The following PLEKHG4B variants were observed in gnomAD, a reference collection of about 807,000 sequenced individuals.
PLEKHG4B encodes the protein pleckstrin homology and RhoGEF domain containing G4B.
In PLEKHG4B, 111 loss-of-function variants were observed where a neutral mutation model predicts 121.3. The observed-to-expected ratio is 0.92, with a 90% CI of 0.78 to 1.07. PLEKHG4B has a LOEUF of 1.07. Ranked by LOEUF, PLEKHG4B falls within the 50% of genes least tolerant of loss-of-function variation. The probability of loss-of-function intolerance (pLI) is 0.00; values close to 1 mark genes in which losing one functional copy is unlikely to be tolerated. For missense variants in PLEKHG4B, 1,831 were observed against 1,757.8 expected, an observed-to-expected ratio of 1.04 and a Z score of -0.74; for synonymous variants, 738 against 725.0, an observed-to-expected ratio of 1.02 and a Z score of -0.29.
Position 139,884 on chromosome 5 carries a change from A to T in PLEKHG4B, c.645A>T (p.Thr215=). ...GAILQSYSSC[T]GPERLPSSPS... is the part of the protein sequence containing the mutation. ...TCCTGCAGAGCTACTCCAGCTGCACAGGTCCTGAGCGGCTGCCCAGCAGCC... is the reference window on the plus strand; with the variant it reads ...TCCTGCAGAGCTACTCCAGCTGCACTGGTCCTGAGCGGCTGCCCAGCAGCC... Residue 215 remains threonine (T), a synonymous_variant, in exon 3 of 20, where the codon ACA becomes ACT. Transcript: ENST00000637938. This position sits in a 1 kb window ranked among gnomAD's most constrained non-coding sequence, Gnocchi z 5.0. The T allele has an allele frequency of 2.5e-6, 1 of 400,934 alleles. No individual in the cohort carries two copies. The highest frequency in any genetic ancestry group is 4.4e-6 in the Non-Finnish European group (1 of 227,644). 24.8% of individuals were successfully genotyped at this position (400,934 alleles called of 1,614,324 possible). A position where few individuals can be genotyped will look rare whatever the true frequency, so the allele number is the denominator to read the frequency against.
rs75342794 is a variant in PLEKHG4B, at chr5:162,814, G to A, written c.2742G>A (p.Ser914=). 106 of 1,504,930 alleles carry A rather than the reference G, an allele frequency of 7.0e-5. No individual in the cohort carries two copies. Among genetic ancestry groups the A allele is most frequent in the South Asian group, 4.2e-4 (31 of 74,092 alleles). 93.2% of individuals were successfully genotyped at this position (1,504,930 alleles called of 1,614,324 possible). The change falls in exon 13 of 20, where the codon TCG becomes TCA. Residue 914 remains serine, a synonymous_variant. Coordinates refer to ENST00000637938, the MANE Select transcript of PLEKHG4B (RefSeq NM_052909.5). ...GGAGCTGTCACCAGGAGGCTACCTCGGTGGCTGCAGAGGCCTTCCCCGGGG... is the reference window on the plus strand; with the variant it reads ...GGAGCTGTCACCAGGAGGCTACCTCAGTGGCTGCAGAGGCCTTCCCCGGGG... The part of the protein sequence containing the change: ...CLRSCHQEAT[S]VAAEAFPGAG...
At position 147,489 on chromosome 5, in the gene PLEKHG4B, G is replaced by A. The variant is rs147645588; in HGVS notation, c.1905+2569G>A. On this transcript the variant is annotated intron_variant, in intron 6 of 19. Transcript: ENST00000637938. ...GGGCACAAGAGGAATCTGGAAGAGC[G>A]CACACCTGCTGAGCAAACCTAAGGC... Among the ~76,000 whole-genome samples the A allele has an allele frequency of 1.4e-3, 212 of 152,290 alleles. 1 individual carries two copies. Among genetic ancestry groups the A allele is most frequent in the East Asian group, 9.8e-3 (51 of 5,184 alleles).
intron 2 of PLEKHG4B, among the ~76,000 whole-genome samples, chr5:128,800 T>C (rs976356757): frequency 6.6e-6 from 1 of 152,092 alleles, no homozygotes; most frequent in Non-Finnish European, 1.5e-5. Context: ...CCATAAAGGG[T>C]GTAAACCAGA....
intron 2 of PLEKHG4B, among the ~76,000 whole-genome samples, chr5:129,196 T>G (rs1404796209): frequency 6.6e-6 from 1 of 152,232 alleles, no homozygotes; most frequent in East Asian, 1.9e-4. Context: ...GGAGAGGGGT[T>G]TAACCAAGAG....
intron 1 of PLEKHG4B, among the ~76,000 whole-genome samples, chr5:112,687 CT>C (rs781405320): frequency 2.0e-5 from 3 of 152,206 alleles, no homozygotes; most frequent in Non-Finnish European, 4.4e-5. Context: ...ACCATCAGTA[CT>C]GTTTAAATGA....
chr5:185,297 G>A lies in PLEKHG4B; in HGVS notation c.*2974G>A, dbSNP rs1733593264. 1 of 152,262 alleles carries A rather than the reference G, an allele frequency of 6.6e-6. No individual in the cohort carries two copies. Among genetic ancestry groups the A allele is most frequent in the Non-Finnish European group, 1.5e-5 (1 of 68,062 alleles). 9.4% of individuals were successfully genotyped at this position (152,262 alleles called of 1,614,324 possible). ...CTGCTCTCTGAATTGGTGACCACAT[G>A]AGTAACTTCACGGGTCTGTTCTATG... is the stretch of plus-strand genomic sequence containing the variant. On this transcript the variant is annotated 3_prime_UTR_variant, in exon 20 of 20. Coordinates refer to ENST00000637938, the MANE Select transcript of PLEKHG4B (RefSeq NM_052909.5).
chr5:122,888 AT>A (rs1307997272), intron 2 of PLEKHG4B, among the ~76,000 whole-genome samples: 2 of 152,250 alleles, frequency 1.3e-5, no homozygotes, highest in Non-Finnish European at 2.9e-5. Context: ...AAAAGGCTCA[AT>A]TTATCAACAC....
At chr5:175,380 G>T (rs1027967437) in intron 18 of PLEKHG4B, among the ~76,000 whole-genome samples, 2 of 151,922 alleles carry the variant, frequency 1.3e-5, no homozygotes, top group Admixed American at 6.6e-5. Flanking sequence ...TGGCGGCTGC[G>T]AACACCACCT....
At chr5:99,545 A>G (rs967549465) in intron 1 of PLEKHG4B, among the ~76,000 whole-genome samples, 7 of 151,976 alleles carry the variant, frequency 4.6e-5, no homozygotes, top group African/African-American at 1.7e-4. Context: ...CAAAGTATTC[A>G]TTGCTGGTGT....
chr5:145,155 G>A (rs1320322411), intron 6 of PLEKHG4B, among the ~76,000 whole-genome samples: 2 of 152,208 alleles, frequency 1.3e-5, no homozygotes, highest in Non-Finnish European at 2.9e-5. Context: ...CCATCCGCTG[G>A]GGACTTGGGG....
intron 13 of PLEKHG4B, among the ~76,000 whole-genome samples, chr5:164,903 T>C (rs1310179027): frequency 3.8e-5 from 2 of 53,220 alleles, no homozygotes; most frequent in African/African-American, 7.1e-5. Context: ...CACACAGTAA[T>C]GCTGTGACGG....
chr5:116,569 G>A (rs1734313868), intron 2 of PLEKHG4B, among the ~76,000 whole-genome samples: 1 of 152,162 alleles, frequency 6.6e-6, no homozygotes, highest in African/African-American at 2.4e-5. Context: ...CTGTTTCTTG[G>A]GATATTTATG....
chr5:132,320 C>T (rs752979788), intron 2 of PLEKHG4B, among the ~76,000 whole-genome samples: 3 of 152,128 alleles, frequency 2.0e-5, no homozygotes, highest in Non-Finnish European at 4.4e-5. Context: ...GTATAGATTG[C>T]AAAGATTTTC....
At chr5:121,655 G>A (rs957398144) in intron 2 of PLEKHG4B, among the ~76,000 whole-genome samples, 8 of 152,254 alleles carry the variant, frequency 5.3e-5, no homozygotes, top group Admixed American at 2.6e-4. Context: ...AAGAATGACC[G>A]ATGACTTCCT....
intron 1 of PLEKHG4B, among the ~76,000 whole-genome samples, chr5:94,160 C>G (rs1733558463): frequency 6.6e-6 from 1 of 152,230 alleles, no homozygotes; most frequent in South Asian, 2.1e-4. Context: ...ACTCAAGGTC[C>G]TGGTTCTCCT....
rs1387635633 is a variant in PLEKHG4B, at chr5:159,295, C to T, written c.2487+2384C>T. On this transcript the variant is annotated intron_variant, in intron 11 of 19. Coordinates refer to ENST00000637938, the MANE Select transcript of PLEKHG4B (RefSeq NM_052909.5). The surrounding 1 kb of genome is among the most constrained non-coding windows in gnomAD (Gnocchi z 5.5). ...ACTGAGGGCAGGTGTGCCTGAGGGTCGCCCAGGTGCACCGAGGGCAGGTGT... is the reference window on the plus strand; with the variant it reads ...ACTGAGGGCAGGTGTGCCTGAGGGTTGCCCAGGTGCACCGAGGGCAGGTGT... 1.7e-5 allele frequency among the ~76,000 whole-genome samples: 2 copies of T among 118,792 alleles called. No homozygotes were observed. The highest frequency in any genetic ancestry group is 3.4e-5 in the Non-Finnish European group (2 of 58,230). The allele number at this position is 118,792 out of a possible 152,430, so 77.9% of individuals were successfully genotyped here.
rs902054461 is a variant in PLEKHG4B at position 159,654 on chromosome 5, C to T, written c.2488-2129C>T. Among the ~76,000 whole-genome samples the T allele has an allele frequency of 2.0e-5, 3 of 152,132 alleles. No homozygotes were observed. In the East Asian group the frequency reaches 5.8e-4, roughly 29 times the overall value. Reference sequence around the variant, plus strand: ...GTTCTGGCGCCAGAGGCTTTCCTGGCGACCCCTGGCTAGGAAGCCTGTGGC... The same window carrying T: ...GTTCTGGCGCCAGAGGCTTTCCTGGTGACCCCTGGCTAGGAAGCCTGTGGC... On this transcript the variant is annotated intron_variant, in intron 11 of 19. Coordinates refer to ENST00000637938, the MANE Select transcript of PLEKHG4B (RefSeq NM_052909.5). This position sits in a 1 kb window ranked among gnomAD's most constrained non-coding sequence, Gnocchi z 5.5.
chr5:136,235 C>T (rs567299858), intron 2 of PLEKHG4B, among the ~76,000 whole-genome samples: 9 of 152,190 alleles, frequency 5.9e-5, no homozygotes, highest in Admixed American at 5.2e-4. Context: ...AAAACATAGA[C>T]GAAAAGCTTC....
chr5:162,808 T>C lies in PLEKHG4B; in HGVS notation c.2736T>C (p.Ala912=). Residue 912 remains alanine, a synonymous_variant, in exon 13 of 20, where the codon GCT becomes GCC. Transcript: ENST00000637938. ...GTTTGAGGAGCTGTCACCAGGAGGC[T>C]ACCTCGGTGGCTGCAGAGGCCTTCC... The part of the protein sequence containing the change: ...AECLRSCHQE[A]TSVAAEAFPG... 1 of 1,503,094 alleles carries C rather than the reference T, an allele frequency of 6.7e-7. No homozygotes were observed. The highest frequency in any genetic ancestry group is 1.4e-5 in the African/African-American group (1 of 71,604). The allele number at this position is 1,503,094 out of a possible 1,614,324, so 93.1% of individuals were successfully genotyped here.
Sources: gnomAD v4.1 joint callset for allele counts (sites outside exome capture counted in the v4.1 genomes callset) on GRCh38, gnomAD v4.1.1 for gene constraint, Gnocchi (gnomAD v3.1) non-coding constraint, MANE v1.5 for transcripts, NCBI Gene and HGNC (gene_info 2026-07-23, HGNC 2026-07-21) for gene names.